KCTD14: variants seen among roughly 807,000 people sequenced by gnomAD.
The protein encoded by KCTD14 is BTB/POZ domain-containing protein KCTD14.
Under a neutral mutation model 5.9 loss-of-function variants are expected in KCTD14, and 7 were observed. The observed-to-expected ratio is 1.19, with a 90% CI of 0.68 to 2.23. The LOEUF (loss-of-function observed/expected upper bound fraction) is 2.23. Among genes scored for constraint, KCTD14 ranks in the 30% most tolerant of loss-of-function variants. The pLI, the probability that KCTD14 is intolerant of heterozygous loss-of-function variation, is 0.00. For synonymous variants in KCTD14, 140 were observed against 133.1 expected (o/e 1.05, Z -0.36); for missense variants, 342 against 332.2 (o/e 1.03, Z -0.23).
intron 2 of KCTD14, among the ~76,000 whole-genome samples, chr11:78,038,188 T>G (rs1005202639): frequency 6.6e-6 from 1 of 152,128 alleles, no homozygotes; most frequent in African/African-American, 2.4e-5. Context: ...GTAGCCAACA[T>G]GGGCAGCGTC....
intron 1 of KCTD14, among the ~76,000 whole-genome samples, chr11:78,045,796 T>C (rs1318001463): frequency 6.6e-6 from 1 of 152,136 alleles, no homozygotes; most frequent in African/African-American, 2.4e-5. Context: ...GTGAGGGTTT[T>C]CATAACGCCC....
intron 1 of KCTD14, among the ~76,000 whole-genome samples, chr11:78,020,889 T>C (rs1170338385): frequency 6.6e-6 from 1 of 152,166 alleles, no homozygotes; most frequent in Non-Finnish European, 1.5e-5. Context: ...GGAACTAAGC[T>C]TAGTCATCTG....
chr11:78,025,063 TACACAC>T (rs1247310963), upstream of KCTD14, among the ~76,000 whole-genome samples: 3 of 146,360 alleles, frequency 2.0e-5, no homozygotes, highest in African/African-American at 7.4e-5. Context: ...TGTGTATATA[TACACAC>T]ACACATATAT....
intron 2 of KCTD14, among the ~76,000 whole-genome samples, chr11:78,036,569 C>A (rs574029765): frequency 6.6e-6 from 1 of 152,370 alleles, no homozygotes; most frequent in Non-Finnish European, 1.5e-5. Context: ...AGCCTGTGTT[C>A]TTTAGCCTCC....
rs368638928 is a variant in KCTD14 at position 78,017,172 on chromosome 11, G to A, written c.189C>T (p.Phe63=). The A allele has an allele frequency of 6.2e-7, 1 of 1,613,950 alleles. No homozygotes were observed. The highest frequency in any genetic ancestry group is 1.3e-5 in the African/African-American group (1 of 74,916). ...CCGTGGAGGCCTTGGCTAAGCTAGA[G>A]AACATCTCTGCCAGCTTTGAGCCCG... is the stretch of plus-strand genomic sequence containing the variant. ...KFPGSKLAEM[F]SSLAKASTDA... Residue 63 remains phenylalanine (F), a synonymous_variant, in exon 2 of 2, where the codon TTC becomes TTT. Coordinates refer to ENST00000353172, the MANE Select transcript of KCTD14 (RefSeq NM_023930.4).
chr11:78,022,835 T>G (rs1591178870), intron 1 of KCTD14: 1 of 267,200 alleles, frequency 3.7e-6, no homozygotes, highest in South Asian at 1.1e-4. Context: ...GGAGGAGTCG[T>G]GGGCTAGGAC....
chr11:78,038,524 C>T, intron 2 of KCTD14: 2 of 965,636 alleles, frequency 2.1e-6, no homozygotes, highest in Non-Finnish European at 3.1e-6. Flanking sequence ...GAGGAATCAA[C>T]CGCACCCCAT....
upstream of KCTD14, among the ~76,000 whole-genome samples, chr11:78,024,656 C>G (rs977220158): frequency 1.3e-5 from 2 of 151,348 alleles, no homozygotes; most frequent in African/African-American, 4.9e-5. Context: ...ACAGAACTAA[C>G]GGAATAGGGT....
At chr11:78,039,780 C>T (rs1392718913) in intron 1 of KCTD14, among the ~76,000 whole-genome samples, 3 of 151,484 alleles carry the variant, frequency 2.0e-5, no homozygotes, top group African/African-American at 7.3e-5. Context: ...TTTTTTCCAC[C>T]TGGTATCGTG....
chr11:78,031,778 G>A (rs2136737016), intron 2 of KCTD14, among the ~76,000 whole-genome samples: 1 of 152,222 alleles, frequency 6.6e-6, no homozygotes, highest in South Asian at 2.1e-4. Flanking sequence ...GTGAACCAGG[G>A]GACAAGAGCT....
At chr11:78,042,480 C>A (rs1177379426) in intron 1 of KCTD14, among the ~76,000 whole-genome samples, 1 of 151,684 alleles carries the variant, frequency 6.6e-6, no homozygotes, top group Non-Finnish European at 1.5e-5. Context: ...TACACTGCAG[C>A]CTAGGCAACA....
chr11:78,036,002 T>C (rs1301381736), intron 2 of KCTD14, among the ~76,000 whole-genome samples: 2 of 150,684 alleles, frequency 1.3e-5, no homozygotes, highest in East Asian at 3.9e-4. Flanking sequence ...TCTACTAAAA[T>C]ACAAAAATTA....
rs149742342 is a variant in KCTD14 at position 78,017,196 on chromosome 11, C to T, written c.165G>A (p.Pro55=). 38 of 1,613,714 alleles carry T rather than the reference C, an allele frequency of 2.4e-5. No individual in the cohort carries two copies. Among genetic ancestry groups the T allele is most frequent in the African/African-American group, 4.0e-5 (3 of 75,010 alleles). The stretch of plus-strand genomic sequence containing the variant: ...AGAACATCTCTGCCAGCTTTGAGCC[C>T]GGAAACTTCCTCAGGGTACCCAGGG... The part of the protein sequence containing the change: ...TTTLGTLRKF[P]GSKLAEMFSS... Residue 55 remains proline (P), a synonymous_variant, in exon 2 of 2, where the codon CCG becomes CCA. Transcript: ENST00000353172.
At chr11:78,036,713 A>G (rs994556793) in intron 2 of KCTD14, among the ~76,000 whole-genome samples, 1 of 152,180 alleles carries the variant, frequency 6.6e-6, no homozygotes, top group African/African-American at 2.4e-5. Flanking sequence ...TTAGTAAGAC[A>G]TTACTTTTCC....
intron 1 of KCTD14, chr11:78,045,936 T>C: frequency 5.4e-6 from 1 of 184,918 alleles, no homozygotes; most frequent in Non-Finnish European, 1.0e-5. Context: ...GCAGAAGAGC[T>C]GGGTGAGGAC....
In KCTD14 at chr11:78,033,914, TAC is replaced by T. The variant is rs1255030170; in HGVS notation, c.-1+4748_-1+4749del. On this transcript the variant is annotated intron_variant, in intron 2 of 2. Coordinates refer to the KCTD14 transcript ENST00000533144. ...ATGTGTGTGTGTGTATATATATATA[TAC>T]ACACATTATATATAATACATATATG... 2.0e-3 allele frequency among the ~76,000 whole-genome samples: 292 copies of T among 145,146 alleles called. 14 individuals are homozygous for T. Among genetic ancestry groups the T allele is most frequent in the Non-Finnish European group, 1.0e-3 (68 of 66,738 alleles).
chr11:78,028,813 C>T (rs185007073), intron 2 of KCTD14, among the ~76,000 whole-genome samples: 108 of 152,036 alleles, frequency 7.1e-4, no homozygotes, highest in African/African-American at 2.4e-3. Flanking sequence ...TGGTGGCACA[C>T]GTGTGTAGTC....
chr11:78,028,706 C>A (rs376365081), intron 2 of KCTD14, among the ~76,000 whole-genome samples: 1 of 151,832 alleles, frequency 6.6e-6, no homozygotes, highest in Non-Finnish European at 1.5e-5. Flanking sequence ...TTTGAAAGAC[C>A]GAGATCAGCA....
At chr11:78,030,967 A>C (rs1391650064) in intron 2 of KCTD14, among the ~76,000 whole-genome samples, 1 of 152,028 alleles carries the variant, frequency 6.6e-6, no homozygotes, top group Non-Finnish European at 1.5e-5. Flanking sequence ...GGACTACATC[A>C]GATTGATCTG....
Sources: gnomAD v4.1 joint callset for allele counts (sites outside exome capture counted in the v4.1 genomes callset) on GRCh38, gnomAD v4.1.1 for gene constraint, MANE v1.5 for transcripts, NCBI Gene and HGNC (gene_info 2026-07-23, HGNC 2026-07-21) for gene names.